Variants in NEO1 observed in about 807,000 individuals in gnomAD.
The protein encoded by NEO1 is neogenin.
NEO1 carries 63 observed loss-of-function variants against 159.7 expected under a neutral mutation model. That is an observed-to-expected ratio of 0.39 (90% CI 0.32 to 0.49). The LOEUF (loss-of-function observed/expected upper bound fraction) is 0.49, where lower values mean the gene tolerates loss of function less well. Ranked by LOEUF, NEO1 falls within the 20% of genes least tolerant of loss-of-function variation. The probability of loss-of-function intolerance (pLI) is 0.85; values close to 1 mark genes in which losing one functional copy is unlikely to be tolerated. For missense variants in NEO1, 1,615 were observed against 1,831.0 expected (o/e 0.88, Z 2.15); for synonymous variants, 633 against 662.0 (o/e 0.96, Z 0.67).
In NEO1 at chr15:73,220,967, G is replaced by T. The variant is rs564827564; in HGVS notation, c.1292-15380G>T. The stretch of plus-strand genomic sequence containing the variant: ...TATCCAGCTTTGTTCCATTGCTGGT[G>T]AGGAACTGGGTTCCTTTGGAGGAGG... On this transcript the variant is annotated intron_variant, in intron 7 of 28. Transcript: ENST00000261908. Among the ~76,000 whole-genome samples, 5 of 152,346 alleles carry T rather than the reference G, an allele frequency of 3.3e-5. No individual in the cohort carries two copies. In the South Asian group the frequency reaches 1.0e-3, roughly 32 times the overall value.
At chr15:73,091,906 A>T (rs987917114) in intron 1 of NEO1, among the ~76,000 whole-genome samples, 6 of 151,988 alleles carry the variant, frequency 3.9e-5, no homozygotes, top group Non-Finnish European at 8.8e-5. Flanking sequence ...GGGTTAAGGC[A>T]TAAGCCACCG....
At chr15:73,283,739 G>A (rs1020786207) in intron 23 of NEO1, among the ~76,000 whole-genome samples, 3 of 152,208 alleles carry the variant, frequency 2.0e-5, no homozygotes, top group Non-Finnish European at 2.9e-5. Flanking sequence ...CCCCTTTGGA[G>A]CACCATCTGT....
Position 73,260,313 on chromosome 15 carries a change from C to G in NEO1, c.2246C>G (p.Pro749Arg), listed in dbSNP as rs2040565059. Residue 749 changes from proline to arginine, a missense_variant, in exon 15 of 29, where the codon CCG becomes CGG. By Grantham distance (103) the Pro-to-Arg change is moderately radical. This residue lies in a region of NEO1 where 1,018 missense variants were observed against 1,115.4 expected (regional missense o/e 0.91). Coordinates refer to ENST00000261908, the MANE Select transcript of NEO1 (RefSeq NM_002499.4). ...PEVPSSLHVR[P>R]LVTSIVVSWT... The stretch of plus-strand genomic sequence containing the variant: ...GTGCCTAGCTCTCTTCACGTACGCC[C>G]GCTCGTTACTAGCATCGTAGTGAGC... 1 of 1,613,788 alleles carries G rather than the reference C, an allele frequency of 6.2e-7. No homozygotes were observed. Among genetic ancestry groups the G allele is most frequent in the African/African-American group, 1.3e-5 (1 of 74,890 alleles).
At position 73,180,316 on chromosome 15, in the gene NEO1, A is replaced by G. The variant is rs1277786650; in HGVS notation, c.1291+1889A>G. Among the ~76,000 whole-genome samples the G allele has an allele frequency of 2.0e-5, 3 of 152,200 alleles. 1 individual carries two copies. Among genetic ancestry groups the G allele is most frequent in the African/African-American group, 7.2e-5 (3 of 41,444 alleles). ...TTGTGTGCTATTTTTTGAAAAATAT[A>G]CTTGAGAGTGCTGTTACAGAAAAGC... On this transcript the variant is annotated intron_variant, in intron 7 of 28. Coordinates refer to ENST00000261908, the MANE Select transcript of NEO1 (RefSeq NM_002499.4).
chr15:73,085,957 TG>T (rs1427001345), intron 1 of NEO1, among the ~76,000 whole-genome samples: 1 of 152,206 alleles, frequency 6.6e-6, no homozygotes, highest in Non-Finnish European at 1.5e-5. Context: ...AGGTTCGACT[TG>T]CCAGTTTTTT....
intron 27 of NEO1, among the ~76,000 whole-genome samples, chr15:73,300,435 T>C (rs1361940509): frequency 6.6e-6 from 1 of 152,084 alleles, no homozygotes; most frequent in Non-Finnish European, 1.5e-5. Context: ...TACCTTTATT[T>C]AAGACAGCTG....
intron 1 of NEO1, among the ~76,000 whole-genome samples, chr15:73,069,508 C>G (rs146647105): frequency 6.6e-6 from 1 of 151,360 alleles, no homozygotes; most frequent in Non-Finnish European, 1.5e-5. Flanking sequence ...AATATATAAA[C>G]ATTGATAATA....
At chr15:73,209,515 G>C (rs2037429937) in intron 7 of NEO1, among the ~76,000 whole-genome samples, 1 of 152,092 alleles carries the variant, frequency 6.6e-6, no homozygotes, top group African/African-American at 2.4e-5. Context: ...TTTTTTGATT[G>C]CTTTCTTTGA....
chr15:73,160,973 C>T (rs953228164), intron 5 of NEO1, among the ~76,000 whole-genome samples: 7 of 152,142 alleles, frequency 4.6e-5, no homozygotes, highest in African/African-American at 1.7e-4. Context: ...TAGCCCTCAT[C>T]TGGAGGCTAT....
Position 73,176,273 on chromosome 15 carries a change from C to T in NEO1, c.1016-130C>T, listed in dbSNP as rs1473002893. 9.9e-6 allele frequency: 5 copies of T among 504,254 alleles called. No individual in the cohort carries two copies. The East Asian group carries it at 1.8e-4, about 18-fold the overall frequency. 31.2% of individuals were successfully genotyped at this position (504,254 alleles called of 1,614,324 possible). ...ATTATATATTTATTTTATGCTTTTG[C>T]AAAAATATGTGAAAGCTTCAAATAA... On this transcript the variant is annotated intron_variant, in intron 5 of 28. Transcript: ENST00000261908.
At chr15:73,184,675 C>T (rs2035816436) in intron 7 of NEO1, among the ~76,000 whole-genome samples, 1 of 152,228 alleles carries the variant, frequency 6.6e-6, no homozygotes, top group Non-Finnish European at 1.5e-5. Context: ...CGCCTGTACT[C>T]CCAGCACTTT....
intron 7 of NEO1, among the ~76,000 whole-genome samples, chr15:73,212,998 A>G (rs1037388973): frequency 2.7e-5 from 4 of 145,758 alleles, no homozygotes; most frequent in Admixed American, 2.2e-4. Flanking sequence ...ATATGCGCCA[A>G]ACTATTAATA....
At chr15:73,254,636 G>T in intron 12 of NEO1, 46 bp from the exon 13 acceptor site, 1 of 1,513,632 alleles carries the variant, frequency 6.6e-7, no homozygotes, top group Non-Finnish European at 8.8e-7. Flanking sequence ...ACAGGACCAA[G>T]CTTTTGATAT....
chr15:73,180,988 T>C (rs1323580847), intron 7 of NEO1, among the ~76,000 whole-genome samples: 1 of 152,188 alleles, frequency 6.6e-6, no homozygotes, highest in Non-Finnish European at 1.5e-5. Flanking sequence ...ATAAGGGATG[T>C]AAGAGATATA....
intron 7 of NEO1, among the ~76,000 whole-genome samples, chr15:73,228,032 CT>C (rs1278598889): frequency 6.6e-6 from 1 of 152,120 alleles, no homozygotes; most frequent in Non-Finnish European, 1.5e-5. Flanking sequence ...ATTAAACATC[CT>C]TTTTTTTCCT....
intron 7 of NEO1, among the ~76,000 whole-genome samples, chr15:73,186,575 A>T (rs2035941653): frequency 6.6e-6 from 1 of 151,494 alleles, no homozygotes; most frequent in South Asian, 2.1e-4. Flanking sequence ...GGCCCACAAA[A>T]TTTTTTTCTT....
Position 73,112,760 on chromosome 15 carries a change from C to A in NEO1, c.131-3780C>A, listed in dbSNP as rs947316850. 3.0e-4 allele frequency among the ~76,000 whole-genome samples: 45 copies of A among 152,150 alleles called. 1 individual carries two copies. The highest frequency in any genetic ancestry group is 1.0e-3 in the African/African-American group (42 of 41,426). On this transcript the variant is annotated intron_variant, in intron 1 of 28. Transcript: ENST00000261908. ...TAACATTTATATGTTGTTTTCCTCTCTAAAATGGGGCTGATTCTTGTACCT... is the reference window on the plus strand; with the variant it reads ...TAACATTTATATGTTGTTTTCCTCTATAAAATGGGGCTGATTCTTGTACCT...
At chr15:73,272,062 TG>T (rs2041198007) in intron 18 of NEO1, among the ~76,000 whole-genome samples, 1 of 152,204 alleles carries the variant, frequency 6.6e-6, no homozygotes, top group African/African-American at 2.4e-5. Flanking sequence ...TCTAATTTTT[TG>T]GTGTCCTGAT....
chr15:73,103,318 A>G (rs6495052), intron 1 of NEO1, among the ~76,000 whole-genome samples: 107,751 of 152,140 alleles, frequency 0.71, 39,154 homozygotes, highest in African/African-American at 0.88. Context: ...TATTAGCTTA[A>G]TGTATGAAAT....
Sources: allele counts gnomAD v4.1 joint callset (sites outside exome capture counted in the v4.1 genomes callset), GRCh38; gene constraint gnomAD v4.1.1; regional missense constraint gnomAD v4.1.1; transcripts MANE v1.5; gene names NCBI Gene and HGNC (gene_info 2026-07-23, HGNC 2026-07-21).